The following TSPEAR variants were observed in gnomAD, a reference collection of about 807,000 sequenced individuals.
TSPEAR encodes thrombospondin-type laminin G domain and EAR repeat-containing protein.
TSPEAR carries 69 observed loss-of-function variants against 71.6 expected under a neutral mutation model. The ratio of observed to expected loss-of-function variants is 0.96; its 90% confidence interval spans 0.79 to 1.18. The LOEUF (loss-of-function observed/expected upper bound fraction) is 1.18, where lower values mean the gene tolerates loss of function less well. Ranked by LOEUF, TSPEAR falls within the 50% of genes most tolerant of loss-of-function variation. The probability of loss-of-function intolerance (pLI) is 0.00; values close to 1 mark genes in which losing one functional copy is unlikely to be tolerated. For missense variants in TSPEAR, 971 were observed against 894.9 expected, an observed-to-expected ratio of 1.09 and a Z score of -1.09; for synonymous variants, 402 against 387.2, an observed-to-expected ratio of 1.04 and a Z score of -0.45.
intron 1 of TSPEAR, among the ~76,000 whole-genome samples, chr21:44,648,957 C>T (rs1555940840): frequency 6.6e-6 from 1 of 152,228 alleles, no homozygotes; most frequent in African/African-American, 2.4e-5. Context: ...TGAAGGTGCT[C>T]ACAGCACAGC....
At chr21:44,653,667 C>A (rs1204049381) in intron 1 of TSPEAR, among the ~76,000 whole-genome samples, 2 of 152,146 alleles carry the variant, frequency 1.3e-5, no homozygotes, top group African/African-American at 4.8e-5. Context: ...GCCCGTTTTA[C>A]CTAAAATGGA....
At chr21:44,550,440 C>T in intron 2 of TSPEAR, 5 of 671,474 alleles carry the variant, frequency 7.4e-6, no homozygotes, top group South Asian at 2.0e-5. Context: ...GGCCCATCCC[C>T]AACCAGCGAC....
chr21:44,580,826 G>A (rs587646864), intron 1 of TSPEAR, among the ~76,000 whole-genome samples: 1 of 152,208 alleles, frequency 6.6e-6, no homozygotes, highest in African/African-American at 2.4e-5. Flanking sequence ...TTAAACTTGT[G>A]TGTATGTTGC....
intron 1 of TSPEAR, among the ~76,000 whole-genome samples, chr21:44,651,979 CTTTTTTTTT>C (rs60867977): frequency 7.2e-5 from 9 of 124,522 alleles, no homozygotes; most frequent in South Asian, 5.1e-4. Flanking sequence ...ATAAAACTTT[CTTTTTTTTT>C]TTTTTTTTTT....
At chr21:44,697,209 T>G in intron 1 of TSPEAR, 2 of 1,613,754 alleles carry the variant, frequency 1.2e-6, no homozygotes, top group African/African-American at 2.7e-5. Context: ...ACCATGTCCG[T>G]CTGCTCCAGC....
chr21:44,654,373 C>T lies in TSPEAR; in HGVS notation c.82+57060G>A, dbSNP rs1555942085. 9.9e-6 allele frequency: 16 copies of T among 1,614,194 alleles called. 1 individual carries two copies. In the South Asian group the frequency reaches 1.6e-4, roughly 17 times the overall value. On this transcript the variant is annotated intron_variant, in intron 1 of 11. Coordinates refer to ENST00000323084, the MANE Select transcript of TSPEAR (RefSeq NM_144991.3). ...AGAGGTTGGGCAGAAGGAAGCCACA[C>T]ACAAAACAGGCTTGCAGCTCACAGG...
Position 44,499,993 on chromosome 21 carries a change from C to T in TSPEAR, c.1857-57G>A, listed in dbSNP as rs375882180. The T allele has an allele frequency of 6.9e-5, 105 of 1,516,636 alleles. 2 individuals are homozygous for T. In the East Asian group the frequency reaches 9.7e-4, roughly 14 times the overall value. The allele number at this position is 1,516,636 out of a possible 1,614,324, so 93.9% of individuals were successfully genotyped here. A position where few individuals can be genotyped will look rare whatever the true frequency, so the allele number is the denominator to read the frequency against. On this transcript the variant is annotated intron_variant, in intron 11 of 11. Transcript: ENST00000323084. ...CTGGGCTCTGCGGGGCAGCTCCTCT[C>T]CCCCGGCTCCCACCCGCGCTGTCAG...
chr21:44,515,215 T>C (rs1555913229), intron 9 of TSPEAR, among the ~76,000 whole-genome samples: 1 of 152,202 alleles, frequency 6.6e-6, no homozygotes, highest in East Asian at 1.9e-4. Flanking sequence ...TGAGAAATGT[T>C]GGCAAAACAT....
At chr21:44,654,551 G>A in intron 1 of TSPEAR, 3 of 1,610,570 alleles carry the variant, frequency 1.9e-6, no homozygotes, top group Non-Finnish European at 2.5e-6. Flanking sequence ...CAGGTGCTGG[G>A]GACACAGCAC....
Position 44,509,585 on chromosome 21 carries a change from G to A in TSPEAR, c.1567-199C>T, listed in dbSNP as rs889218468. ...GGCGCAGAGGTGTGGGAGAGCGGGC[G>A]CAGAGGTGTGAGTGAGCAGCACTCT... On this transcript the variant is annotated intron_variant, in intron 9 of 11. Coordinates refer to ENST00000323084, the MANE Select transcript of TSPEAR (RefSeq NM_144991.3). 1.2e-4 allele frequency among the ~76,000 whole-genome samples: 18 copies of A among 151,636 alleles called. 1 individual carries two copies. The highest frequency in any genetic ancestry group is 3.3e-4 in the Admixed American group (5 of 15,256).
intron 1 of TSPEAR, chr21:44,601,091 T>C (rs1980829446): frequency 6.2e-7 from 1 of 1,609,516 alleles, no homozygotes; most frequent in African/African-American, 1.4e-5. Context: ...GCCTGCTGTG[T>C]GCCCATCTGC....
At chr21:44,512,131 G>A (rs1555912793) in intron 9 of TSPEAR, among the ~76,000 whole-genome samples, 1 of 152,256 alleles carries the variant, frequency 6.6e-6, no homozygotes, top group Non-Finnish European at 1.5e-5. Flanking sequence ...GAGCCAGGAG[G>A]GCTGGGCGCA....
At chr21:44,697,923 C>T (rs1987460169) in intron 1 of TSPEAR, 2 of 1,611,956 alleles carry the variant, frequency 1.2e-6, no homozygotes, top group African/African-American at 1.3e-5. Context: ...CCCACATGTT[C>T]CCGCCTGGCC....
At chr21:44,581,503 G>A (rs1359540054) in intron 1 of TSPEAR, among the ~76,000 whole-genome samples, 1 of 152,128 alleles carries the variant, frequency 6.6e-6, no homozygotes, top group Non-Finnish European at 1.5e-5. Flanking sequence ...GAGAGACTGA[G>A]GTTGGTCATT....
At chr21:44,573,794 C>G in intron 1 of TSPEAR, 2 of 1,614,140 alleles carry the variant, frequency 1.2e-6, no homozygotes, top group South Asian at 2.2e-5. Flanking sequence ...GCTACAGCAG[C>G]CGCGTCTGCC....
At chr21:44,525,236 A>G (rs587717239) in intron 8 of TSPEAR, among the ~76,000 whole-genome samples, 5 of 152,288 alleles carry the variant, frequency 3.3e-5, no homozygotes, top group African/African-American at 1.2e-4. Flanking sequence ...TCAGTCAGGT[A>G]GTTAGTCATG....
chr21:44,534,073 G>A (rs2053034196), intron 2 of TSPEAR, 150 bp from the exon 3 acceptor site: 1 of 629,676 alleles, frequency 1.6e-6, no homozygotes. Context: ...GCGGTGGATG[G>A]GAAGGGCAGG....
At chr21:44,675,829 T>C (rs186334137) in intron 1 of TSPEAR, 2 of 601,562 alleles carry the variant, frequency 3.3e-6, no homozygotes, top group East Asian at 5.6e-5. Flanking sequence ...GCTGATTTCC[T>C]TGACATGAAA....
chr21:44,533,181 G>T (rs1468743535), intron 3 of TSPEAR, among the ~76,000 whole-genome samples: 1 of 152,230 alleles, frequency 6.6e-6, no homozygotes, highest in African/African-American at 2.4e-5. Context: ...GTTTTGACAG[G>T]AGTGTGCTTC....
Sources: gnomAD v4.1 joint callset for allele counts (sites outside exome capture counted in the v4.1 genomes callset) on GRCh38, gnomAD v4.1.1 for gene constraint, MANE v1.5 for transcripts, NCBI Gene and HGNC (gene_info 2026-07-23, HGNC 2026-07-21) for gene names.